Variants in TMEM51 observed in about 807,000 individuals in gnomAD.
TMEM51 encodes the protein transmembrane protein 51.
TMEM51 carries 8 observed loss-of-function variants against 13.6 expected under a neutral mutation model. The observed-to-expected ratio is 0.59, with a 90% CI of 0.35 to 1.07. The LOEUF is 1.07. Ranked by LOEUF, TMEM51 falls within the 50% of genes least tolerant of loss-of-function variation. TMEM51 has a pLI of 0.02. For synonymous variants in TMEM51, 147 were observed against 144.4 expected (o/e 1.02, Z -0.13); for missense variants, 279 against 330.7 (o/e 0.84, Z 1.21).
At chr1:15,164,885 C>T (rs1642936395) in intron 1 of TMEM51, among the ~76,000 whole-genome samples, 2 of 150,104 alleles carry the variant, frequency 1.3e-5, no homozygotes, top group Admixed American at 6.7e-5. Context: ...TCACTGCAAC[C>T]TCTGCCTCCC....
At chr1:15,172,213 C>T (rs1035178082) in intron 1 of TMEM51, among the ~76,000 whole-genome samples, 2 of 151,240 alleles carry the variant, frequency 1.3e-5, no homozygotes, top group Non-Finnish European at 3.0e-5. Context: ...TCCATTTCTG[C>T]AAAAAAGAAA....
chr1:15,153,338 AC>A (rs1488993632), upstream of TMEM51, among the ~76,000 whole-genome samples: 2 of 151,656 alleles, frequency 1.3e-5, no homozygotes, highest in Non-Finnish European at 2.9e-5. Flanking sequence ...CTCCACTTAA[AC>A]CCCTAAAACC....
At chr1:15,171,919 C>G (rs1040152032) in intron 1 of TMEM51, among the ~76,000 whole-genome samples, 1 of 152,170 alleles carries the variant, frequency 6.6e-6, no homozygotes, top group Non-Finnish European at 1.5e-5. Context: ...CAACCCCTTG[C>G]TCAGATCATC....
At chr1:15,198,247 AC>A (rs1178654617) in intron 1 of TMEM51, among the ~76,000 whole-genome samples, 4 of 151,714 alleles carry the variant, frequency 2.6e-5, no homozygotes, top group African/African-American at 9.7e-5. Flanking sequence ...CCCTATACAC[AC>A]CCTGCTTATA....
At chr1:15,197,190 C>T (rs569399716) in intron 1 of TMEM51, among the ~76,000 whole-genome samples, 44 of 152,252 alleles carry the variant, frequency 2.9e-4, no homozygotes, top group South Asian at 2.7e-3. Flanking sequence ...GTTACGTGTC[C>T]GTCTTGAAAT....
chr1:15,188,537 A>G (rs543126978), intron 1 of TMEM51, among the ~76,000 whole-genome samples: 5 of 152,322 alleles, frequency 3.3e-5, no homozygotes, highest in African/African-American at 9.6e-5. Flanking sequence ...AGGGCCCCCA[A>G]AGACCCTTGT....
chr1:15,196,878 T>C (rs1374910071), intron 1 of TMEM51, among the ~76,000 whole-genome samples: 1 of 152,188 alleles, frequency 6.6e-6, no homozygotes, highest in Non-Finnish European at 1.5e-5. Flanking sequence ...TTGACTAGAA[T>C]TCAGTTTCTA....
At chr1:15,218,715 C>A (rs958048553) in intron 3 of TMEM51, among the ~76,000 whole-genome samples, 1 of 152,116 alleles carries the variant, frequency 6.6e-6, no homozygotes, top group Non-Finnish European at 1.5e-5. Context: ...CAGCATGGGA[C>A]ACTCTCACCA....
At chr1:15,195,291 A>T (rs546492816) in intron 1 of TMEM51, among the ~76,000 whole-genome samples, 5 of 152,304 alleles carry the variant, frequency 3.3e-5, no homozygotes, top group South Asian at 4.1e-4. Context: ...AGGACAAAGA[A>T]ACAGGAAAAT....
intron 1 of TMEM51, among the ~76,000 whole-genome samples, chr1:15,186,357 A>G (rs1573410733): frequency 6.6e-6 from 1 of 152,234 alleles, no homozygotes; most frequent in East Asian, 1.9e-4. Flanking sequence ...CCTGGTGGGT[A>G]CAGTGAGGAA....
intron 1 of TMEM51, among the ~76,000 whole-genome samples, chr1:15,181,805 C>A (rs1211008752): frequency 6.6e-6 from 1 of 152,188 alleles, no homozygotes; most frequent in Admixed American, 6.5e-5. Context: ...AAAGGTGAAC[C>A]ATCAAACCGT....
At chr1:15,171,274 G>A (rs1417546598) in intron 1 of TMEM51, 3 of 1,304,098 alleles carry the variant, frequency 2.3e-6, no homozygotes, top group African/African-American at 3.0e-5. Context: ...AGTGGATGAC[G>A]GCATCCTTCC....
chr1:15,166,069 G>C lies in TMEM51; in HGVS notation c.-267+12115G>C, dbSNP rs1441953342. Among the ~76,000 whole-genome samples the C allele has an allele frequency of 3.3e-5, 5 of 152,148 alleles. No individual in the cohort carries two copies. In the South Asian group the frequency reaches 1.0e-3, roughly 32 times the overall value. On this transcript the variant is annotated intron_variant, in intron 1 of 3. Coordinates refer to ENST00000376008, the MANE Select transcript of TMEM51 (RefSeq NM_001136218.2). The stretch of plus-strand genomic sequence containing the variant: ...AGATATTTATCAGCAGTTATGGATG[G>C]GGGTAGCCATGGGGGGTTTCGATAT...
upstream of TMEM51, among the ~76,000 whole-genome samples, chr1:15,153,420 T>G (rs988504043): frequency 1.3e-5 from 2 of 152,108 alleles, no homozygotes; most frequent in African/African-American, 4.8e-5. Context: ...CACACACGCA[T>G]GCACACCGAT....
intron 1 of TMEM51, among the ~76,000 whole-genome samples, chr1:15,156,594 A>G (rs974037145): frequency 2.6e-5 from 4 of 152,160 alleles, no homozygotes; most frequent in African/African-American, 9.7e-5. Context: ...AGCTGGGAGG[A>G]ATCCTCCTCT....
At chr1:15,184,638 G>A (rs1318442764) in intron 1 of TMEM51, among the ~76,000 whole-genome samples, 2 of 152,202 alleles carry the variant, frequency 1.3e-5, no homozygotes, top group African/African-American at 4.8e-5. Context: ...GACAAAGGTG[G>A]TAGTGATGGC....
At chr1:15,160,430 C>T (rs1196041041) in intron 1 of TMEM51, among the ~76,000 whole-genome samples, 3 of 152,102 alleles carry the variant, frequency 2.0e-5, no homozygotes, top group Admixed American at 6.5e-5. Context: ...CATGCCACCA[C>T]GCCCGGCCAA....
chr1:15,181,515 G>C (rs189398220), intron 1 of TMEM51, among the ~76,000 whole-genome samples: 5 of 152,226 alleles, frequency 3.3e-5, no homozygotes, highest in East Asian at 3.9e-4. Context: ...TCAAAGCCTC[G>C]TTCCCAGGCT....
chr1:15,212,981 A>G (rs1322747126), intron 2 of TMEM51, among the ~76,000 whole-genome samples: 1 of 152,264 alleles, frequency 6.6e-6, no homozygotes, highest in East Asian at 1.9e-4. Flanking sequence ...AGTGCTGTGC[A>G]TTCAGGGTTC....
Sources: allele counts gnomAD v4.1 joint callset (sites outside exome capture counted in the v4.1 genomes callset), GRCh38; gene constraint gnomAD v4.1.1; transcripts MANE v1.5; gene names NCBI Gene and HGNC (gene_info 2026-07-23, HGNC 2026-07-21).